Variants in PDCD11 observed in about 807,000 individuals in gnomAD.
PDCD11 encodes programmed cell death 11.
In PDCD11, 97 loss-of-function variants were observed where a neutral mutation model predicts 198.9. That is an observed-to-expected ratio of 0.49 (90% CI 0.41 to 0.58). The LOEUF (loss-of-function observed/expected upper bound fraction) is 0.58, where lower values mean the gene tolerates loss of function less well. Ranked by LOEUF, PDCD11 falls within the 20% of genes least tolerant of loss-of-function variation. The pLI, the probability that PDCD11 is intolerant of heterozygous loss-of-function variation, is 0.00. For missense variants in PDCD11, 2,102 were observed against 2,312.7 expected (o/e 0.91, Z 1.87); for synonymous variants, 893 against 918.0 (o/e 0.97, Z 0.49).
At position 103,409,821 on chromosome 10, in the gene PDCD11, G is replaced by A. The variant is rs770481296; in HGVS notation, c.978+15G>A. On this transcript the variant is annotated intron_variant, in intron 8 of 35. Transcript: ENST00000369797. ...CAAATCAGGCAGTAAGAAATGTTGA[G>A]CCTATATTTTCTTGATTCCAGTTGT... 3 of 1,587,104 alleles carry A rather than the reference G, an allele frequency of 1.9e-6. No individual in the cohort carries two copies. Among genetic ancestry groups the A allele is most frequent in the East Asian group, 2.2e-5 (1 of 44,720 alleles).
At chr10:103,438,868 G>A in intron 27 of PDCD11, 60 bp downstream of exon 27, 1 of 1,586,854 alleles carries the variant, frequency 6.3e-7, no homozygotes, top group East Asian at 2.2e-5. Context: ...GTGTTGCTCT[G>A]GGGTCCACTG....
chr10:103,440,634 C>A, intron 29 of PDCD11, 53 bp downstream of exon 29: 2 of 1,610,424 alleles, frequency 1.2e-6, no homozygotes, highest in South Asian at 2.2e-5. Flanking sequence ...GAGGGACAGC[C>A]ATGAGGGCGT....
At chr10:103,405,224 TTCTC>T (rs1262836037) in intron 5 of PDCD11, 41 bp downstream of exon 5, 1 of 1,602,826 alleles carries the variant, frequency 6.2e-7, no homozygotes, top group South Asian at 1.1e-5. Context: ...GCAATGTGCC[TTCTC>T]TCTGCCTCTG....
chr10:103,444,007 C>A lies in PDCD11; in HGVS notation c.5217C>A (p.Ser1739Arg). Reference protein sequence around the residue: ...IKYGAFLLRRSQAAASHRVLQ... With the variant: ...IKYGAFLLRRRQAAASHRVLQ... The stretch of plus-strand genomic sequence containing the variant: ...ACGGCGCCTTCCTTCTGCGGAGGAG[C>A]CAGGCTGCAGCCAGTCACCGCGTGC... The change falls in exon 34 of 36, where the codon AGC (serine) becomes AGA (arginine). Residue 1739 changes from serine (S) to arginine (R), a missense_variant. Ser to Arg is a moderately radical substitution (Grantham distance 110). Transcript: ENST00000369797. 6.2e-7 allele frequency: 1 copy of A among 1,613,292 alleles called. No individual in the cohort carries two copies. Among genetic ancestry groups the A allele is most frequent in the Admixed American group, 1.7e-5 (1 of 60,026 alleles).
At chr10:103,416,782 A>T (rs773831511) in intron 13 of PDCD11, 40 bp downstream of exon 13, 1 of 1,598,414 alleles carries the variant, frequency 6.3e-7, no homozygotes, top group Non-Finnish European at 8.5e-7. Context: ...ACCCTTGGTG[A>T]CCCCACAAAC....
intron 16 of PDCD11, among the ~76,000 whole-genome samples, chr10:103,420,742 G>A (rs2031374114): frequency 6.6e-6 from 1 of 152,182 alleles, no homozygotes; most frequent in Non-Finnish European, 1.5e-5. Context: ...GCCCAGTGAG[G>A]GGCAGAGGGT....
intron 25 of PDCD11, 61 bp downstream of exon 25, chr10:103,435,036 CGTT>C (rs1418197706): frequency 6.3e-6 from 8 of 1,260,914 alleles, no homozygotes; most frequent in Admixed American, 5.8e-5. Context: ...TAAAAAAAAA[CGTT>C]GTTGTAATAC....
chr10:103,416,862 T>A, intron 13 of PDCD11, 120 bp downstream of exon 13: 1 of 1,129,578 alleles, frequency 8.9e-7, no homozygotes, highest in Non-Finnish European at 1.3e-6. Context: ...CATGGGGCAG[T>A]GGGTGTGAGC....
At position 103,445,659 on chromosome 10, in the gene PDCD11, T is replaced by G; in HGVS notation, c.*110T>G. On this transcript the variant is annotated 3_prime_UTR_variant, in exon 36 of 36. Transcript: ENST00000369797. ...CTCAGGACTCTATTTAAATGCTGCT[T>G]TTTCTGCAGCACGCTTGGGGAAATC... 1.2e-6 allele frequency: 1 copy of G among 817,994 alleles called. No homozygotes were observed. The allele number at this position is 817,994 out of a possible 1,614,324, so 50.7% of individuals were successfully genotyped here. A position where few individuals can be genotyped will look rare whatever the true frequency, so the allele number is the denominator to read the frequency against.
In PDCD11 at chr10:103,434,225, CAGG is replaced by C. The variant is rs748819296; in HGVS notation, c.3565-20_3565-18del. 1 of 1,525,324 alleles carries C rather than the reference CAGG, an allele frequency of 6.6e-7. No individual in the cohort carries two copies. Among genetic ancestry groups the C allele is most frequent in the African/African-American group, 1.4e-5 (1 of 73,080 alleles). The allele number at this position is 1,525,324 out of a possible 1,614,324, so 94.5% of individuals were successfully genotyped here. On this transcript the variant is annotated intron_variant, in intron 23 of 35. Transcript: ENST00000369797. ...AATGACAGCCTTTCTTCAAGCATCACAGGAGTTTTTTTATCCTTCCAGGTTCTG... is the reference window on the plus strand; with the variant it reads ...AATGACAGCCTTTCTTCAAGCATCACAGTTTTTTTATCCTTCCAGGTTCTG...
chr10:103,427,187 C>T, intron 20 of PDCD11, 142 bp from the exon 21 acceptor site: 2 of 731,174 alleles, frequency 2.7e-6, no homozygotes, highest in Non-Finnish European at 2.5e-6. Flanking sequence ...CAGCCTGACA[C>T]ATCTGTCTTC....
At chr10:103,429,760 C>A (rs946472025) in intron 21 of PDCD11, among the ~76,000 whole-genome samples, 6 of 152,122 alleles carry the variant, frequency 3.9e-5, no homozygotes, top group Non-Finnish European at 5.9e-5. Flanking sequence ...TTTTGTCTTG[C>A]GTGACTGAAA....
Position 103,418,591 on chromosome 10 carries a change from TC to T in PDCD11, c.2065del (p.Leu689PhefsTer7). On this transcript the variant is annotated frameshift_variant, in exon 15 of 36. Coordinates refer to ENST00000369797, the MANE Select transcript of PDCD11 (RefSeq NM_014976.2). LOFTEE classifies it high-confidence loss of function. ...CATCATTGGCTCCAGGCAGGTGACA[TC>T]CTTCACCGAGTCCTGTGTCTGAGCC... The part of the protein sequence containing the change: ...LLHHWLQAGD[I>X]LHRVLCLSQS... The T allele has an allele frequency of 6.2e-7, 1 of 1,614,158 alleles. No homozygotes were observed. Among genetic ancestry groups the T allele is most frequent in the South Asian group, 1.1e-5 (1 of 91,084 alleles).
intron 3 of PDCD11, among the ~76,000 whole-genome samples, chr10:103,401,806 C>T (rs1018933114): frequency 6.6e-6 from 1 of 151,472 alleles, no homozygotes; most frequent in African/African-American, 2.4e-5. Context: ...GGTGCCATCT[C>T]TGCTCTGCTC....
Position 103,414,402 on chromosome 10 carries a change from T to C in PDCD11, c.1371+72T>C, listed in dbSNP as rs549359141. ...TCTTTAGTTCACGCACAGGTGACTG[T>C]CAGCCCGTTAGTCCTCATGTTAACA... On this transcript the variant is annotated intron_variant, in intron 11 of 35. Transcript: ENST00000369797. 5.6e-6 allele frequency: 6 copies of C among 1,067,032 alleles called. No homozygotes were observed. In the East Asian group the frequency reaches 1.4e-4, roughly 26 times the overall value. The allele number at this position is 1,067,032 out of a possible 1,614,324, so 66.1% of individuals were successfully genotyped here.
Position 103,416,590 on chromosome 10 carries a change from A to C in PDCD11, c.1618A>C (p.Lys540Gln). 6.2e-7 allele frequency: 1 copy of C among 1,614,224 alleles called. No homozygotes were observed. ...LPVITCYADA[K>Q]PGLQTHGFII... is the part of the protein sequence containing the mutation. ...TGTCATTACCTGCTATGCCGATGCC[A>C]AGCCTGGTCTGCAGACACATGGCTT... Residue 540 changes from lysine (K) to glutamine (Q), a missense_variant, in exon 13 of 36, where the codon AAG becomes CAG. Physicochemically the swap from Lys to Gln is moderately conservative, Grantham distance 53 (BLOSUM62 1). Transcript: ENST00000369797.
rs572170183 is a variant in PDCD11 at position 103,421,266 on chromosome 10, G to A, written c.2278-82G>A. ...CTAGGCCCCATTTCCCCCTACTCAC[G>A]TACCCCTTTCCAGGAACATCAAGTG... On this transcript the variant is annotated intron_variant, in intron 16 of 35. Transcript: ENST00000369797. 89 of 1,092,256 alleles carry A rather than the reference G, an allele frequency of 8.1e-5. 3 individuals are homozygous for A. In the South Asian group the frequency reaches 9.7e-4, roughly 12 times the overall value. The allele number at this position is 1,092,256 out of a possible 1,614,324, so 67.7% of individuals were successfully genotyped here.
chr10:103,428,966 G>C (rs180927190), intron 21 of PDCD11, among the ~76,000 whole-genome samples: 24 of 152,260 alleles, frequency 1.6e-4, no homozygotes, highest in African/African-American at 1.2e-4. Context: ...TAATCTCAAG[G>C]CTCTTGAGAA....
At chr10:103,403,036 T>C in intron 3 of PDCD11, 82 bp from the exon 4 acceptor site, 1 of 1,318,374 alleles carries the variant, frequency 7.6e-7, no homozygotes, top group African/African-American at 1.5e-5. Context: ...AGCTTTTAAA[T>C]TGACACTAGA....
Sources: gnomAD v4.1 joint callset for allele counts (sites outside exome capture counted in the v4.1 genomes callset) on GRCh38, gnomAD v4.1.1 for gene constraint, MANE v1.5 for transcripts, NCBI Gene and HGNC (gene_info 2026-07-23, HGNC 2026-07-21) for gene names.